The following ACAD11 variants were observed in gnomAD, a reference collection of about 807,000 sequenced individuals.
The protein encoded by ACAD11 is acyl-Coenzyme A dehydrogenase family, member 11.
A neutral mutation model predicts 102.2 loss-of-function variants in ACAD11; 83 were observed. That is an observed-to-expected ratio of 0.81 (90% confidence interval 0.68 to 0.97). The LOEUF (loss-of-function observed/expected upper bound fraction) is 0.97. Among genes scored for constraint, ACAD11 ranks in the 50% least tolerant of loss-of-function variants. The pLI is 0.00. For synonymous variants in ACAD11, 324 were observed against 319.8 expected (o/e 1.01, Z -0.14); for missense variants, 901 against 951.7 (o/e 0.95, Z 0.70).
At chr3:132,646,338 A>G (rs1162557930) in intron 1 of ACAD11, 1 of 151,548 alleles carries the variant, frequency 6.6e-6, no homozygotes, top group Non-Finnish European at 1.5e-5. Flanking sequence ...GAGGCTTGTG[A>G]TCCGCCTGCC....
In ACAD11 at chr3:132,561,217, CCT is replaced by C; in HGVS notation, c.2002-2_2002-1del. On this transcript the variant is annotated splice_acceptor_variant, in intron 17 of 19. Coordinates refer to ENST00000264990, the MANE Select transcript of ACAD11 (RefSeq NM_032169.5). LOFTEE classifies it high-confidence loss of function. ...TCAGCAATCCAGTGAGCCACAACCT[CCT>C]ATAGGGGAGGAAAAGGCAGCAAAAG... The C allele has an allele frequency of 6.2e-7, 1 of 1,611,576 alleles. No homozygotes were observed. Among genetic ancestry groups the C allele is most frequent in the South Asian group, 1.1e-5 (1 of 91,032 alleles).
intron 1 of ACAD11, among the ~76,000 whole-genome samples, chr3:132,653,330 G>A (rs900830493): frequency 4.6e-5 from 7 of 152,106 alleles, no homozygotes; most frequent in African/African-American, 1.7e-4. Context: ...GCAATCAGAT[G>A]AGAACTTCCA....
chr3:132,611,826 T>TC (rs1939165974), intron 11 of ACAD11, among the ~76,000 whole-genome samples: 1 of 151,912 alleles, frequency 6.6e-6, no homozygotes, highest in Admixed American at 6.6e-5. Flanking sequence ...TTCAATGCCA[T>TC]CCCCATCAAG....
chr3:132,638,033 A>T (rs1940339482), intron 5 of ACAD11, among the ~76,000 whole-genome samples: 1 of 152,186 alleles, frequency 6.6e-6, no homozygotes, highest in African/African-American at 2.4e-5. Flanking sequence ...GCATTTACTT[A>T]TACCCTAATA....
At chr3:132,584,500 T>C (rs1039155704) in intron 13 of ACAD11, among the ~76,000 whole-genome samples, 8 of 152,206 alleles carry the variant, frequency 5.3e-5, no homozygotes, top group African/African-American at 1.7e-4. Flanking sequence ...TGATGGGTCT[T>C]GACTCTTTTT....
rs557291993 is a variant in ACAD11, at chr3:132,602,567, T to A, written c.1621+662A>T. Among the ~76,000 whole-genome samples, 8 of 152,242 alleles carry A rather than the reference T, an allele frequency of 5.3e-5. No individual in the cohort carries two copies. In the East Asian group the frequency reaches 1.5e-3, roughly 29 times the overall value. On this transcript the variant is annotated intron_variant, in intron 13 of 19. Coordinates refer to ENST00000264990, the MANE Select transcript of ACAD11 (RefSeq NM_032169.5). ...GTACAGCTTATCTTTTTTAAAAAAA[T>A]TTGCTGTAAATTATTATAATCCATG...
At chr3:132,657,861 T>G (rs920898044) in intron 1 of ACAD11, among the ~76,000 whole-genome samples, 2 of 145,610 alleles carry the variant, frequency 1.4e-5, no homozygotes, top group Non-Finnish European at 3.0e-5. Flanking sequence ...AAAAAACACA[T>G]ATTCCTTTTT....
chr3:132,634,240 G>A (rs1190950499), intron 5 of ACAD11, among the ~76,000 whole-genome samples: 2 of 152,202 alleles, frequency 1.3e-5, no homozygotes, highest in Non-Finnish European at 2.9e-5. Flanking sequence ...CAACAAGTGG[G>A]TGAACGATAT....
intron 4 of ACAD11, among the ~76,000 whole-genome samples, chr3:132,641,596 A>AGGAG (rs1559973732): frequency 2.6e-5 from 3 of 117,522 alleles, no homozygotes; most frequent in East Asian, 7.8e-4. Context: ...AAGAAGAAGA[A>AGGAG]GAAGAAGAGG....
Position 132,619,519 on chromosome 3 carries a change from AT to A in ACAD11, c.1223del (p.Asn408MetfsTer12). The part of the protein sequence containing the change: ...EKEVTEFYVQ[N>X]ENSVDKWGKP... ...TTCCCCACTTGTCCACTGAATTTTC[AT>A]TTTGAACATAGAACTCAGTTACCTC... On this transcript the variant is annotated frameshift_variant, in exon 10 of 20. Transcript: ENST00000264990. LOFTEE classifies it high-confidence loss of function. The A allele has an allele frequency of 6.3e-7, 1 of 1,592,604 alleles. No homozygotes were observed. The highest frequency in any genetic ancestry group is 1.2e-5 in the South Asian group (1 of 86,348).
intron 11 of ACAD11, among the ~76,000 whole-genome samples, chr3:132,615,851 A>G (rs1939386192): frequency 1.3e-5 from 2 of 152,210 alleles, no homozygotes; most frequent in South Asian, 4.1e-4. Context: ...TTTTCCAGTA[A>G]TAGCTTTAGA....
intron 10 of ACAD11, 58 bp downstream of exon 10, chr3:132,619,410 G>C (rs1939528030): frequency 1.7e-5 from 20 of 1,187,610 alleles, no homozygotes; most frequent in Non-Finnish European, 2.3e-5. Context: ...CAAAACTAAG[G>C]TCTAGGATCT....
At chr3:132,616,729 A>G (rs1284003548) in intron 11 of ACAD11, among the ~76,000 whole-genome samples, 1 of 152,232 alleles carries the variant, frequency 6.6e-6, no homozygotes, top group Non-Finnish European at 1.5e-5. Flanking sequence ...CCTTTCCACA[A>G]AATCATGCTA....
chr3:132,651,650 T>C (rs996460126), intron 1 of ACAD11, among the ~76,000 whole-genome samples: 2 of 152,202 alleles, frequency 1.3e-5, no homozygotes, highest in Non-Finnish European at 2.9e-5. Flanking sequence ...ATTCACCTCA[T>C]ATCCCCCGAC....
intron 1 of ACAD11, among the ~76,000 whole-genome samples, chr3:132,645,122 G>C (rs1940670283): frequency 6.6e-6 from 1 of 152,208 alleles, no homozygotes; most frequent in African/African-American, 2.4e-5. Flanking sequence ...AGGTAGAAGA[G>C]AGGACCCCAC....
intron 8 of ACAD11, among the ~76,000 whole-genome samples, chr3:132,627,466 A>T (rs942007602): frequency 6.6e-6 from 1 of 152,222 alleles, no homozygotes; most frequent in African/African-American, 2.4e-5. Flanking sequence ...AAAAGCAAAG[A>T]AGTTGAATTG....
In ACAD11 at chr3:132,567,140, G is replaced by A. The variant is rs573463483; in HGVS notation, c.2002-5923C>T. 5.9e-5 allele frequency among the ~76,000 whole-genome samples: 9 copies of A among 152,152 alleles called. No homozygotes were observed. The South Asian group carries it at 1.0e-3, about 18-fold the overall frequency. The stretch of plus-strand genomic sequence containing the variant: ...GTTACAGGCACACGCCACCATACCC[G>A]GCTAATTTTTGTATTTTTAGTAGAA... On this transcript the variant is annotated intron_variant, in intron 17 of 19. Coordinates refer to ENST00000264990, the MANE Select transcript of ACAD11 (RefSeq NM_032169.5).
chr3:132,583,935 T>C (rs1010296752), intron 13 of ACAD11, among the ~76,000 whole-genome samples: 2 of 152,216 alleles, frequency 1.3e-5, no homozygotes, highest in Non-Finnish European at 2.9e-5. Flanking sequence ...TAATTTCTGT[T>C]CTTTTACATT....
Position 132,611,522 on chromosome 3 carries a change from A to C in ACAD11, c.1415-6317T>G, listed in dbSNP as rs1939146642. 2.6e-5 allele frequency among the ~76,000 whole-genome samples: 4 copies of C among 152,344 alleles called. No individual in the cohort carries two copies. In the South Asian group the frequency reaches 8.3e-4, roughly 32 times the overall value. On this transcript the variant is annotated intron_variant, in intron 11 of 19. Coordinates refer to ENST00000264990, the MANE Select transcript of ACAD11 (RefSeq NM_032169.5). ...CCTTAAGCTGATAAGCCGCTTCAGC[A>C]AAGTCTCAGGATACAAAATCAATGT...
Sources: gnomAD v4.1 joint callset for allele counts (sites outside exome capture counted in the v4.1 genomes callset) on GRCh38, gnomAD v4.1.1 for gene constraint, MANE v1.5 for transcripts, NCBI Gene and HGNC (gene_info 2026-07-23, HGNC 2026-07-21) for gene names.